Variants in AIG1 observed in about 807,000 individuals in gnomAD.
The protein encoded by AIG1 is androgen-induced gene 1 protein.
Under a neutral mutation model 31.4 loss-of-function variants are expected in AIG1, and 23 were observed. That is an observed-to-expected ratio of 0.73 (90% CI 0.53 to 1.04). AIG1 has a LOEUF of 1.04. Among genes scored for constraint, AIG1 ranks in the 50% least tolerant of loss-of-function variants. The probability of loss-of-function intolerance (pLI) is 0.00; values close to 1 mark genes in which losing one functional copy is unlikely to be tolerated. For missense variants in AIG1, 274 were observed against 295.0 expected (o/e 0.93, Z 0.52); for synonymous variants, 100 against 110.5 (o/e 0.90, Z 0.60).
rs1777033647 is a variant in AIG1 at position 143,331,071 on chromosome 6, C to G, written c.516-2211C>G. 6.6e-6 allele frequency among the ~76,000 whole-genome samples: 1 copy of G among 151,960 alleles called. No individual in the cohort carries two copies. The highest frequency in any genetic ancestry group is 2.4e-5 in the African/African-American group (1 of 41,370). Reference sequence around the variant, plus strand: ...ACCTGGACAGACCTAGAGAATGCCTCTTTGCTGTAAGATTGTTCCTCAATC... The same window carrying G: ...ACCTGGACAGACCTAGAGAATGCCTGTTTGCTGTAAGATTGTTCCTCAATC... On this transcript the variant is annotated intron_variant, in intron 4 of 5. Coordinates refer to ENST00000357847, the MANE Select transcript of AIG1 (RefSeq NM_016108.4). This position sits in a 1 kb window ranked among gnomAD's most constrained non-coding sequence, Gnocchi z 4.1.
chr6:143,170,854 G>C (rs990168228), intron 3 of AIG1, among the ~76,000 whole-genome samples: 3 of 147,290 alleles, frequency 2.0e-5, no homozygotes, highest in Non-Finnish European at 3.0e-5. Context: ...GACACCACCT[G>C]TTCCCCAAAA....
chr6:143,124,455 C>T (rs912142174), intron 1 of AIG1, among the ~76,000 whole-genome samples: 1 of 152,196 alleles, frequency 6.6e-6, no homozygotes, highest in African/African-American at 2.4e-5. Context: ...GTCTCCTGCC[C>T]ACGGTGGACC....
chr6:143,207,616 G>A (rs1791225861), intron 3 of AIG1, among the ~76,000 whole-genome samples: 1 of 151,944 alleles, frequency 6.6e-6, no homozygotes, highest in Non-Finnish European at 1.5e-5. Flanking sequence ...GAGCAAGGTG[G>A]AACTAGTTCT....
chr6:143,209,440 G>T (rs758695675), intron 3 of AIG1, among the ~76,000 whole-genome samples: 2 of 152,154 alleles, frequency 1.3e-5, no homozygotes, highest in Non-Finnish European at 2.9e-5. Flanking sequence ...TATCTCAGGG[G>T]GCCTATTGTA....
chr6:143,300,282 A>G (rs576588164), intron 4 of AIG1, among the ~76,000 whole-genome samples: 1 of 152,228 alleles, frequency 6.6e-6, no homozygotes, highest in African/African-American at 2.4e-5. Flanking sequence ...AATGTTTGTC[A>G]AAACATACTT....
intron 3 of AIG1, chr6:143,189,865 G>C (rs1789627189): frequency 1.1e-6 from 1 of 926,494 alleles, no homozygotes; most frequent in Non-Finnish European, 1.3e-6. Flanking sequence ...AGCACAATTG[G>C]GTGGCTTATA....
At chr6:143,323,326 C>T (rs1776365658) in intron 4 of AIG1, among the ~76,000 whole-genome samples, 1 of 152,172 alleles carries the variant, frequency 6.6e-6, no homozygotes, top group South Asian at 2.1e-4. Context: ...TGTGTGACTG[C>T]ACAGGATACA....
intron 2 of AIG1, among the ~76,000 whole-genome samples, chr6:143,137,632 G>C (rs1481659997): frequency 6.6e-6 from 1 of 152,152 alleles, no homozygotes; most frequent in East Asian, 1.9e-4. Context: ...GTTTGGGTCT[G>C]TTTTGACTTC....
chr6:143,060,782 C>T (rs1776150224), upstream of AIG1: 1 of 87,180 alleles, frequency 1.1e-5, no homozygotes, highest in Non-Finnish European at 2.2e-5. Context: ...GGGGCGCGCG[C>T]CCCGCCCCCG....
chr6:143,113,376 G>C (rs1191126467), intron 1 of AIG1, among the ~76,000 whole-genome samples: 1 of 152,018 alleles, frequency 6.6e-6, no homozygotes, highest in Non-Finnish European at 1.5e-5. Flanking sequence ...AGGCTGAGGT[G>C]GGCGGATCAC....
intron 3 of AIG1, among the ~76,000 whole-genome samples, 161 bp from the exon 4 acceptor site, chr6:143,283,949 A>G (rs997441491): frequency 6.6e-6 from 1 of 152,208 alleles, no homozygotes; most frequent in Non-Finnish European, 1.5e-5. Context: ...TCAACGCACT[A>G]TGTGGTTTTA....
At chr6:143,323,160 T>A (rs1413371859) in intron 4 of AIG1, among the ~76,000 whole-genome samples, 2 of 152,226 alleles carry the variant, frequency 1.3e-5, no homozygotes, top group African/African-American at 4.8e-5. Context: ...CAGTTAATCG[T>A]TGATCTCATA....
At chr6:143,283,403 G>A (rs1353007757) in intron 3 of AIG1, among the ~76,000 whole-genome samples, 1 of 152,196 alleles carries the variant, frequency 6.6e-6, no homozygotes, top group Non-Finnish European at 1.5e-5. Flanking sequence ...CTAACCTGCT[G>A]CTCGTGCACA....
At chr6:143,240,942 A>G (rs1336658514) in intron 3 of AIG1, among the ~76,000 whole-genome samples, 2 of 152,182 alleles carry the variant, frequency 1.3e-5, no homozygotes, top group Non-Finnish European at 2.9e-5. Context: ...TACTCCTCAG[A>G]TGGAAATGAT....
At chr6:143,230,182 G>T (rs1793338771) in intron 3 of AIG1, among the ~76,000 whole-genome samples, 1 of 152,080 alleles carries the variant, frequency 6.6e-6, no homozygotes, top group Admixed American at 6.6e-5. Context: ...TTTCCCAATG[G>T]AAGGTATGAT....
intron 3 of AIG1, among the ~76,000 whole-genome samples, chr6:143,192,942 A>G (rs1038354952): frequency 1.3e-5 from 2 of 152,074 alleles, no homozygotes; most frequent in African/African-American, 4.8e-5. Flanking sequence ...ATGCTGTCAC[A>G]TTTGTTCCCT....
chr6:143,080,344 A>G (rs1778124346), intron 1 of AIG1, among the ~76,000 whole-genome samples: 1 of 152,164 alleles, frequency 6.6e-6, no homozygotes, highest in Non-Finnish European at 1.5e-5. Flanking sequence ...CTGGGGCTCC[A>G]TTTGAAGAAC....
intron 4 of AIG1, among the ~76,000 whole-genome samples, chr6:143,321,801 G>T (rs1363936962): frequency 6.6e-6 from 1 of 151,930 alleles, no homozygotes; most frequent in East Asian, 1.9e-4. Context: ...ACACAACTGG[G>T]AAAAAAACCT....
rs1286644526 is a variant in AIG1 at position 143,325,856 on chromosome 6, G to T, written c.516-7426G>T. 2.0e-5 allele frequency among the ~76,000 whole-genome samples: 3 copies of T among 152,142 alleles called. No homozygotes were observed. Among genetic ancestry groups the T allele is most frequent in the Non-Finnish European group, 4.4e-5 (3 of 68,020 alleles). On this transcript the variant is annotated intron_variant, in intron 4 of 5. Transcript: ENST00000357847. The surrounding 1 kb of genome is among the most constrained non-coding windows in gnomAD (Gnocchi z 4.3). ...GTTACTGACAAATGTTTAACAACCA[G>T]CTAGGTCTTCTGGAGGCAAGGGAGG...
Sources: allele counts gnomAD v4.1 joint callset (sites outside exome capture counted in the v4.1 genomes callset), GRCh38; gene constraint gnomAD v4.1.1; non-coding constraint Gnocchi (gnomAD v3.1); transcripts MANE v1.5; gene names NCBI Gene and HGNC (gene_info 2026-07-23, HGNC 2026-07-21).